Variants in NKAIN2 observed in about 807,000 individuals in gnomAD.
The protein encoded by NKAIN2 is sodium/potassium transporting ATPase interacting 2.
In NKAIN2, 14 loss-of-function variants were observed where a neutral mutation model predicts 32.6. That is an observed-to-expected ratio of 0.43 (90% CI 0.28 to 0.67). The LOEUF is 0.67. Among genes scored for constraint, NKAIN2 ranks in the 30% least tolerant of loss-of-function variants. NKAIN2 has a pLI of 0.17. For synonymous variants in NKAIN2, 80 were observed against 87.2 expected, an observed-to-expected ratio of 0.92 and a Z score of 0.46; for missense variants, 198 against 258.3, an observed-to-expected ratio of 0.77 and a Z score of 1.60.
intron 3 of NKAIN2, among the ~76,000 whole-genome samples, chr6:124,487,236 C>T (rs1195639346): frequency 6.6e-6 from 1 of 152,034 alleles, no homozygotes; most frequent in East Asian, 1.9e-4. Flanking sequence ...ACTCAAAGAG[C>T]TGATAATCTT....
intron 2 of NKAIN2, among the ~76,000 whole-genome samples, chr6:124,291,357 TTTTA>T (rs1415111150): frequency 4.6e-5 from 7 of 152,064 alleles, no homozygotes; most frequent in African/African-American, 1.7e-4. Context: ...GTAGTCTTTT[TTTTA>T]TTATTTAAAC....
chr6:124,443,983 A>G (rs1273086115), intron 3 of NKAIN2, among the ~76,000 whole-genome samples: 2 of 151,912 alleles, frequency 1.3e-5, no homozygotes, highest in African/African-American at 4.8e-5. Context: ...TCTCCTTTTT[A>G]GTATATAGCA....
chr6:123,948,962 T>C (rs950764064), intron 1 of NKAIN2, among the ~76,000 whole-genome samples: 1 of 151,964 alleles, frequency 6.6e-6, no homozygotes, highest in African/African-American at 2.4e-5. Flanking sequence ...AGGAGTCCAG[T>C]TTGTTCTTCT....
intron 3 of NKAIN2, among the ~76,000 whole-genome samples, chr6:124,366,776 A>C (rs1356506911): frequency 6.6e-6 from 1 of 151,832 alleles, no homozygotes; most frequent in Non-Finnish European, 1.5e-5. Flanking sequence ...AAAATACAAA[A>C]AATTAGCCAG....
chr6:124,259,175 C>G (rs1427477597), intron 1 of NKAIN2, among the ~76,000 whole-genome samples: 1 of 152,116 alleles, frequency 6.6e-6, no homozygotes, highest in African/African-American at 2.4e-5. Flanking sequence ...GTGGCACTCT[C>G]TACTTAAAAG....
At chr6:124,365,576 T>C (rs1799484243) in intron 3 of NKAIN2, among the ~76,000 whole-genome samples, 1 of 151,834 alleles carries the variant, frequency 6.6e-6, no homozygotes, top group African/African-American at 2.4e-5. Context: ...AATAGCCATA[T>C]CCACAATCAC....
At chr6:123,951,252 T>TC (rs1383928152) in intron 1 of NKAIN2, among the ~76,000 whole-genome samples, 1 of 152,020 alleles carries the variant, frequency 6.6e-6, no homozygotes, top group African/African-American at 2.4e-5. Context: ...GGTGAAATGT[T>TC]CTGTAAATGT....
intron 1 of NKAIN2, among the ~76,000 whole-genome samples, chr6:123,805,990 C>G (rs574795245): frequency 6.6e-6 from 1 of 152,174 alleles, no homozygotes; most frequent in South Asian, 2.1e-4. Flanking sequence ...TCCTCAAGAA[C>G]TTAATTTTAG....
At chr6:124,159,096 G>A (rs997562498) in intron 1 of NKAIN2, among the ~76,000 whole-genome samples, 4 of 152,060 alleles carry the variant, frequency 2.6e-5, no homozygotes, top group Non-Finnish European at 5.9e-5. Flanking sequence ...TACTCAATTA[G>A]TCACTCACTT....
chr6:124,638,819 A>T (rs141589526), intron 3 of NKAIN2, among the ~76,000 whole-genome samples: 2,268 of 131,346 alleles, frequency 0.017, 29 homozygotes, highest in Middle Eastern at 0.033. Context: ...TGAACCTGGG[A>T]GGTGGATGTT....
intron 1 of NKAIN2, among the ~76,000 whole-genome samples, chr6:124,027,242 C>G (rs994234832): frequency 2.0e-5 from 3 of 151,578 alleles, no homozygotes; most frequent in African/African-American, 7.3e-5. Context: ...CGGGTTCAAG[C>G]GATTCTCCTG....
At chr6:124,205,389 T>G (rs536705677) in intron 1 of NKAIN2, among the ~76,000 whole-genome samples, 1 of 151,860 alleles carries the variant, frequency 6.6e-6, no homozygotes, top group African/African-American at 2.4e-5. Flanking sequence ...ATTTGTCATC[T>G]TATTGGAAAA....
chr6:124,814,276 G>T (rs1033043186), intron 5 of NKAIN2, among the ~76,000 whole-genome samples: 7 of 152,220 alleles, frequency 4.6e-5, no homozygotes, highest in South Asian at 2.1e-4. Context: ...CTGAGAAGAA[G>T]TGCACATGGA....
At chr6:123,879,344 T>C (rs1040579085) in intron 1 of NKAIN2, among the ~76,000 whole-genome samples, 6 of 152,234 alleles carry the variant, frequency 3.9e-5, no homozygotes, top group Non-Finnish European at 8.8e-5. Context: ...ATATAGTTGA[T>C]CCATAATGCA....
At chr6:123,878,494 T>C (rs1773282813) in intron 1 of NKAIN2, among the ~76,000 whole-genome samples, 1 of 152,150 alleles carries the variant, frequency 6.6e-6, no homozygotes, top group South Asian at 2.1e-4. Context: ...GCCATTGATT[T>C]CTTCAGGCTT....
chr6:124,563,565 A>G (rs906225201), intron 3 of NKAIN2, among the ~76,000 whole-genome samples: 1 of 152,118 alleles, frequency 6.6e-6, no homozygotes, highest in Non-Finnish European at 1.5e-5. Context: ...ATTAAATGCA[A>G]TCAAGGTTGT....
At chr6:124,526,678 TG>T (rs1779326608) in intron 3 of NKAIN2, among the ~76,000 whole-genome samples, 1 of 152,114 alleles carries the variant, frequency 6.6e-6, no homozygotes, top group Admixed American at 6.5e-5. Context: ...CAAGTGAAAA[TG>T]ACCAGAAATT....
chr6:124,765,421 C>A (rs1369987040), intron 4 of NKAIN2, among the ~76,000 whole-genome samples: 2 of 152,188 alleles, frequency 1.3e-5, no homozygotes, highest in East Asian at 3.9e-4. Flanking sequence ...TGGCTCTGTT[C>A]AGTCCCTGGT....
chr6:124,707,025 A>G (rs1399604034), intron 4 of NKAIN2, among the ~76,000 whole-genome samples: 1 of 119,612 alleles, frequency 8.4e-6, no homozygotes, highest in Non-Finnish European at 1.6e-5. Flanking sequence ...AAAGTGTGAT[A>G]CTCCCCTTCC....
Sources: gnomAD v4.1 joint callset for allele counts (sites outside exome capture counted in the v4.1 genomes callset) on GRCh38, gnomAD v4.1.1 for gene constraint, MANE v1.5 for transcripts, NCBI Gene and HGNC (gene_info 2026-07-23, HGNC 2026-07-21) for gene names.